WWOX: variants seen among roughly 807,000 people sequenced by gnomAD.
WWOX encodes the protein WW domain containing oxidoreductase.
Under a neutral mutation model 46.2 loss-of-function variants are expected in WWOX, and 69 were observed. The observed-to-expected ratio is 1.49, with a 90% CI of 1.23 to 1.82. The LOEUF is 1.82. WWOX is among the 40% of genes most tolerant of loss of function. The pLI is 0.00. For missense variants in WWOX, 919 were observed against 542.6 expected (o/e 1.69, Z -6.89); for synonymous variants, 359 against 202.6 (o/e 1.77, Z -6.56).
At chr16:78,790,179 C>T (rs934074592) in intron 8 of WWOX, among the ~76,000 whole-genome samples, 9 of 151,916 alleles carry the variant, frequency 5.9e-5, no homozygotes, top group African/African-American at 1.5e-4. Flanking sequence ...CTCTGTTGCC[C>T]GGGCTGGAGT....
intron 8 of WWOX, among the ~76,000 whole-genome samples, chr16:79,132,037 TA>T (rs2049888947): frequency 6.6e-6 from 1 of 151,814 alleles, no homozygotes; most frequent in Non-Finnish European, 1.5e-5. Flanking sequence ...GTCCCTTCCA[TA>T]ACACATGGGA....
intron 8 of WWOX, among the ~76,000 whole-genome samples, chr16:78,437,358 G>A (rs888938748): frequency 5.3e-5 from 8 of 152,204 alleles, no homozygotes; most frequent in African/African-American, 1.9e-4. Flanking sequence ...ACAATTGGAT[G>A]TTCTTGTGCA....
At chr16:78,865,161 A>C (rs953115404) in intron 8 of WWOX, among the ~76,000 whole-genome samples, 5 of 152,162 alleles carry the variant, frequency 3.3e-5, no homozygotes, top group African/African-American at 9.7e-5. Context: ...GTACATTTTA[A>C]AGTGCTAAAG....
intron 8 of WWOX, among the ~76,000 whole-genome samples, chr16:78,869,339 C>T (rs925782961): frequency 2.0e-5 from 3 of 152,098 alleles, no homozygotes; most frequent in Non-Finnish European, 4.4e-5. Context: ...CAGAAAGTGC[C>T]TACTTTTCCA....
rs1039961086 is a variant in WWOX at position 78,108,094 on chromosome 16, A to G, written c.108-329A>G. Reference sequence around the variant, plus strand: ...CAGGCACGTGCCACTGTCCCCAGCTAATTTTGTATTTTTGGTAGAGACAGG... The same window carrying G: ...CAGGCACGTGCCACTGTCCCCAGCTGATTTTGTATTTTTGGTAGAGACAGG... On this transcript the variant is annotated intron_variant, in intron 1 of 8. Transcript: ENST00000566780. Among the ~76,000 whole-genome samples the G allele has an allele frequency of 3.3e-5, 5 of 151,300 alleles. No homozygotes were observed. The South Asian group carries it at 1.1e-3, about 32-fold the overall frequency.
intron 8 of WWOX, among the ~76,000 whole-genome samples, chr16:78,843,037 G>A (rs1264441906): frequency 2.0e-5 from 3 of 149,958 alleles, no homozygotes; most frequent in African/African-American, 7.3e-5. Flanking sequence ...TACTTTAAGT[G>A]CTGCAAACAT....
At chr16:78,595,205 GA>G (rs1339563831) in intron 8 of WWOX, among the ~76,000 whole-genome samples, 2 of 152,192 alleles carry the variant, frequency 1.3e-5, no homozygotes, top group African/African-American at 4.8e-5. Context: ...AATAGATTTG[GA>G]GTCAGATGTC....
intron 8 of WWOX, among the ~76,000 whole-genome samples, chr16:79,124,993 A>C (rs1036916504): frequency 6.6e-6 from 1 of 151,810 alleles, no homozygotes; most frequent in Non-Finnish European, 1.5e-5. Context: ...CATTTCTGTT[A>C]CACAGCTGGG....
At chr16:79,054,325 G>T (rs1373570335) in intron 8 of WWOX, among the ~76,000 whole-genome samples, 3 of 152,098 alleles carry the variant, frequency 2.0e-5, no homozygotes, top group African/African-American at 2.4e-5. Context: ...AGCTATCCCG[G>T]TTTCTTATCT....
chr16:78,720,182 G>A (rs778483155), intron 8 of WWOX, among the ~76,000 whole-genome samples: 64 of 152,232 alleles, frequency 4.2e-4, no homozygotes, highest in Non-Finnish European at 8.4e-4. Context: ...GAAAATTGAT[G>A]TGCTTCTTTT....
chr16:78,938,911 C>A (rs1232340728), intron 8 of WWOX, among the ~76,000 whole-genome samples: 1 of 152,016 alleles, frequency 6.6e-6, no homozygotes, highest in Non-Finnish European at 1.5e-5. Context: ...AGTGGGAGGC[C>A]CAGTCAGGGG....
intron 8 of WWOX, among the ~76,000 whole-genome samples, chr16:78,761,089 G>A (rs1217601773): frequency 6.6e-6 from 1 of 152,156 alleles, no homozygotes; most frequent in Non-Finnish European, 1.5e-5. Context: ...TACAATTCAA[G>A]ATGCGATTTG....
At chr16:78,478,210 A>G (rs773464349) in intron 8 of WWOX, among the ~76,000 whole-genome samples, 1 of 152,246 alleles carries the variant, frequency 6.6e-6, no homozygotes, top group Non-Finnish European at 1.5e-5. Context: ...TACAAGTAGT[A>G]GCATTTTTAG....
intron 8 of WWOX, 57 bp downstream of exon 8, chr16:78,432,809 C>G (rs1029406949): frequency 6.2e-7 from 1 of 1,612,634 alleles, no homozygotes; most frequent in Admixed American, 1.7e-5. Flanking sequence ...AACCTGCACA[C>G]TTGTGTCTCC....
intron 8 of WWOX, among the ~76,000 whole-genome samples, chr16:78,871,185 T>A (rs1023955411): frequency 1.3e-5 from 2 of 152,054 alleles, no homozygotes; most frequent in African/African-American, 4.8e-5. Context: ...TTTTTTTTTT[T>A]TTTTAATGAG....
chr16:78,620,092 T>C (rs1367152012), intron 8 of WWOX, among the ~76,000 whole-genome samples: 1 of 152,140 alleles, frequency 6.6e-6, no homozygotes, highest in African/African-American at 2.4e-5. Context: ...TTAGAATACC[T>C]AGGACAGTAT....
chr16:78,660,721 A>C (rs1023348944), intron 8 of WWOX, among the ~76,000 whole-genome samples: 7 of 152,166 alleles, frequency 4.6e-5, no homozygotes, highest in Non-Finnish European at 1.0e-4. Context: ...CCTCTCTCCA[A>C]AAGAGGCAGC....
chr16:78,694,093 G>A (rs964255654), intron 8 of WWOX, among the ~76,000 whole-genome samples: 1 of 152,070 alleles, frequency 6.6e-6, no homozygotes, highest in Non-Finnish European at 1.5e-5. Flanking sequence ...TTACCTAGGC[G>A]TGGTAGTGTG....
chr16:79,014,891 G>A (rs962393428), intron 8 of WWOX, among the ~76,000 whole-genome samples: 1 of 152,128 alleles, frequency 6.6e-6, no homozygotes, highest in Non-Finnish European at 1.5e-5. Context: ...GTTTCAATGA[G>A]CATTTATTTA....
Sources: gnomAD v4.1 joint callset for allele counts (sites outside exome capture counted in the v4.1 genomes callset) on GRCh38, gnomAD v4.1.1 for gene constraint, MANE v1.5 for transcripts, NCBI Gene and HGNC (gene_info 2026-07-23, HGNC 2026-07-21) for gene names.